SMARCAL1: variants seen among roughly 807,000 people sequenced by gnomAD.
SMARCAL1 encodes the protein ATP-driven annealing helicase.
A neutral mutation model predicts 94.5 loss-of-function variants in SMARCAL1; 58 were observed. The observed-to-expected ratio is 0.61, with a 90% CI of 0.50 to 0.76. SMARCAL1 has a LOEUF of 0.76. SMARCAL1 is among the 30% of genes least tolerant of loss of function. SMARCAL1 has a pLI of 0.00. For synonymous variants in SMARCAL1, 422 were observed against 455.1 expected (o/e 0.93, Z 0.93); for missense variants, 1,051 against 1,177.9 (o/e 0.89, Z 1.58).
intron 12 of SMARCAL1, among the ~76,000 whole-genome samples, chr2:216,454,940 C>T (rs1694530669): frequency 6.6e-6 from 1 of 152,208 alleles, no homozygotes; most frequent in Non-Finnish European, 1.5e-5. Flanking sequence ...TCAGGGAATT[C>T]CTTTTGCTAG....
At position 216,464,588 on chromosome 2, in the gene SMARCAL1, T is replaced by C. The variant is rs1559135589; in HGVS notation, c.2071-9T>C. ...GGGCACTTAACATTCTTAACTTATC[T>C]TTCAACAGAAACAGCAGCAGAAAGA... On this transcript the variant is annotated splice_polypyrimidine_tract_variant and intron_variant, in intron 12 of 17. Coordinates refer to ENST00000357276, the MANE Select transcript of SMARCAL1 (RefSeq NM_014140.4). 6.2e-7 allele frequency: 1 copy of C among 1,609,226 alleles called. No homozygotes were observed.
intron 10 of SMARCAL1, among the ~76,000 whole-genome samples, chr2:216,440,765 T>C (rs1694182926): frequency 6.6e-6 from 1 of 152,170 alleles, no homozygotes; most frequent in Non-Finnish European, 1.5e-5. Context: ...TGTTGACATT[T>C]TGGGCTGGAT....
chr2:216,447,261 C>T, intron 11 of SMARCAL1, 103 bp downstream of exon 11: 1 of 1,382,646 alleles, frequency 7.2e-7, no homozygotes, highest in Non-Finnish European at 1.0e-6. Flanking sequence ...CAGAAGAGCA[C>T]TGGCCAGGGG....
At chr2:216,448,393 G>A (rs1292082701) in intron 11 of SMARCAL1, among the ~76,000 whole-genome samples, 3 of 152,174 alleles carry the variant, frequency 2.0e-5, no homozygotes, top group Non-Finnish European at 2.9e-5. Context: ...ATAATGTTCA[G>A]CTAGTGATGA....
At position 216,482,656 on chromosome 2, in the gene SMARCAL1, C is replaced by G; in HGVS notation, c.2626-82C>G. 6.3e-7 allele frequency: 1 copy of G among 1,585,556 alleles called. No homozygotes were observed. Among genetic ancestry groups the G allele is most frequent in the African/African-American group, 1.3e-5 (1 of 74,406 alleles). On this transcript the variant is annotated intron_variant, in intron 17 of 17. Transcript: ENST00000357276. This position sits in a 1 kb window ranked among gnomAD's most constrained non-coding sequence, Gnocchi z 4.3. Reference sequence around the variant, plus strand: ...ATGTGTGGTCTCTCATCTTTATATTCTCTCATCAGCCCTAGTGGAGGAGAG... The same window carrying G: ...ATGTGTGGTCTCTCATCTTTATATTGTCTCATCAGCCCTAGTGGAGGAGAG...
chr2:216,457,687 AG>A (rs1325336482), intron 12 of SMARCAL1, among the ~76,000 whole-genome samples: 68 of 152,362 alleles, frequency 4.5e-4, no homozygotes, highest in African/African-American at 1.3e-3. Context: ...CATTTAAAGC[AG>A]TGTGTAGAGG....
chr2:216,475,184 C>A lies in SMARCAL1; in HGVS notation c.2245-85C>A. On this transcript the variant is annotated intron_variant, in intron 14 of 17. Coordinates refer to ENST00000357276, the MANE Select transcript of SMARCAL1 (RefSeq NM_014140.4). The surrounding 1 kb of genome is among the most constrained non-coding windows in gnomAD (Gnocchi z 4.4). ...GCCTCTGCTGAGCTGGAACCTGGTT[C>A]TGTGCTGGAGCTGTGGCTGGGTGTG... 1.4e-6 allele frequency: 2 copies of A among 1,404,380 alleles called. No homozygotes were observed. Among genetic ancestry groups the A allele is most frequent in the South Asian group, 1.2e-5 (1 of 86,030 alleles). 87.0% of individuals were successfully genotyped at this position (1,404,380 alleles called of 1,614,324 possible). A position where few individuals can be genotyped will look rare whatever the true frequency, so the allele number is the denominator to read the frequency against.
chr2:216,480,295 C>G (rs1695168387), intron 17 of SMARCAL1, among the ~76,000 whole-genome samples: 1 of 152,072 alleles, frequency 6.6e-6, no homozygotes, highest in Non-Finnish European at 1.5e-5. Flanking sequence ...ATATAGGAGA[C>G]AAAAGCAGAA....
At chr2:216,471,457 A>G (rs113325407) in intron 14 of SMARCAL1, among the ~76,000 whole-genome samples, 9,686 of 152,064 alleles carry the variant, frequency 0.064, 505 homozygotes, top group African/African-American at 0.15. Context: ...CCTGGCTTCA[A>G]GCATTTCTGC....
chr2:216,446,052 T>C (rs1216394729), intron 10 of SMARCAL1, among the ~76,000 whole-genome samples: 1 of 152,182 alleles, frequency 6.6e-6, no homozygotes, highest in African/African-American at 2.4e-5. Context: ...TTCCCAGAGC[T>C]GAAGTGAATT....
At chr2:216,432,017 C>T (rs1427753498) in intron 7 of SMARCAL1, among the ~76,000 whole-genome samples, 2 of 152,110 alleles carry the variant, frequency 1.3e-5, no homozygotes, top group Non-Finnish European at 2.9e-5. Flanking sequence ...TTCCTTCCTT[C>T]CTTTCTTTTT....
rs148893764 is a variant in SMARCAL1, at chr2:216,450,969, C to T, written c.1975C>T (p.Arg659Cys). Reference protein sequence around the residue: ...DVLSQLPAKQRKIVVIAPGRI... With the variant: ...DVLSQLPAKQCKIVVIAPGRI... Reference sequence around the variant, plus strand: ...CCTTTCCCAGCTGCCTGCCAAGCAGCGCAAGATAGTGGTGATTGCCCCAGG... The same window carrying T: ...CCTTTCCCAGCTGCCTGCCAAGCAGTGCAAGATAGTGGTGATTGCCCCAGG... The change falls in exon 12 of 18, where the codon CGC becomes TGC. Residue 659 changes from arginine to cysteine, a missense_variant. This residue lies in a region of SMARCAL1 where 642 missense variants were observed against 754.7 expected (regional missense o/e 0.85). Transcript: ENST00000357276. The T allele has an allele frequency of 1.2e-5, 19 of 1,614,190 alleles. No homozygotes were observed. Among genetic ancestry groups the T allele is most frequent in the East Asian group, 4.5e-5 (2 of 44,888 alleles).
At chr2:216,418,941 A>T (rs1693658759) in intron 4 of SMARCAL1, among the ~76,000 whole-genome samples, 1 of 152,258 alleles carries the variant, frequency 6.6e-6, no homozygotes, top group Non-Finnish European at 1.5e-5. Flanking sequence ...TTAATACAAA[A>T]TAAATTTTGA....
At chr2:216,427,517 C>T (rs767121110) in intron 6 of SMARCAL1, 1 of 152,162 alleles carries the variant, frequency 6.6e-6, no homozygotes, top group Non-Finnish European at 1.5e-5. Context: ...TGCTCAGCCT[C>T]CTGAAGTGTG....
At chr2:216,434,281 G>T (rs1056627960) in intron 8 of SMARCAL1, among the ~76,000 whole-genome samples, 2 of 152,176 alleles carry the variant, frequency 1.3e-5, no homozygotes, top group South Asian at 2.1e-4. Context: ...TGTGAGGCAG[G>T]TGAGCACCCA....
At chr2:216,469,636 C>T (rs982376721) in intron 14 of SMARCAL1, among the ~76,000 whole-genome samples, 1 of 152,144 alleles carries the variant, frequency 6.6e-6, no homozygotes, top group African/African-American at 2.4e-5. Flanking sequence ...GCAGTTTATC[C>T]ATTCTCCTGC....
At chr2:216,479,916 A>G (rs975703128) in intron 17 of SMARCAL1, among the ~76,000 whole-genome samples, 1 of 152,090 alleles carries the variant, frequency 6.6e-6, no homozygotes, top group Non-Finnish European at 1.5e-5. Context: ...GCCAGGCATG[A>G]TGGCACATGC....
At chr2:216,469,150 T>C (rs1176343873) in intron 14 of SMARCAL1, among the ~76,000 whole-genome samples, 1 of 152,206 alleles carries the variant, frequency 6.6e-6, no homozygotes, top group African/African-American at 2.4e-5. Context: ...TCATACTATA[T>C]TCTAGGAGTA....
intron 4 of SMARCAL1, among the ~76,000 whole-genome samples, chr2:216,420,028 C>CAAAAAAAAAAAAAAAA (rs60555710): frequency 7.5e-5 from 3 of 40,172 alleles, no homozygotes; most frequent in Admixed American, 2.9e-4. Flanking sequence ...GACCCCGTCT[C>CAAAAAAAAAAAAAAAA]AAAAAAAAAA....
Sources: gnomAD v4.1 joint callset for allele counts (sites outside exome capture counted in the v4.1 genomes callset) on GRCh38, gnomAD v4.1.1 for gene constraint, gnomAD v4.1.1 regional missense constraint, Gnocchi (gnomAD v3.1) non-coding constraint, MANE v1.5 for transcripts, NCBI Gene and HGNC (gene_info 2026-07-23, HGNC 2026-07-21) for gene names.